Variants in SCAF4 observed in about 807,000 individuals in gnomAD.
SCAF4 encodes SR-related CTD associated factor 4, also known as SR-related and CTD-associated factor 4.
In SCAF4, 25 loss-of-function variants were observed where a neutral mutation model predicts 129.8. That is an observed-to-expected ratio of 0.19 (90% CI 0.14 to 0.27). The LOEUF (loss-of-function observed/expected upper bound fraction) is 0.27, where lower values mean the gene tolerates loss of function less well. SCAF4 is among the 10% of genes least tolerant of loss of function. The pLI, the probability that SCAF4 is intolerant of heterozygous loss-of-function variation, is 1.00. For missense variants in SCAF4, 1,246 were observed against 1,457.1 expected (o/e 0.86, Z 2.36); for synonymous variants, 551 against 497.7 (o/e 1.11, Z -1.43).
chr21:31,712,090 T>A (rs2050811905), intron 1 of SCAF4, among the ~76,000 whole-genome samples: 1 of 152,204 alleles, frequency 6.6e-6, no homozygotes, highest in Admixed American at 6.5e-5. Context: ...GGGAAAGCTT[T>A]AAATAGCCAG....
chr21:31,715,530 C>T (rs945451913), intron 1 of SCAF4, among the ~76,000 whole-genome samples: 1 of 152,160 alleles, frequency 6.6e-6, no homozygotes, highest in South Asian at 2.1e-4. Context: ...CATCTGAAAT[C>T]TTCAGGCTGC....
chr21:31,690,280 T>C (rs980624089), intron 15 of SCAF4, among the ~76,000 whole-genome samples: 3 of 151,792 alleles, frequency 2.0e-5, no homozygotes, highest in South Asian at 2.1e-4. Context: ...AGGTCAGGAG[T>C]TCGAGACCAG....
intron 7 of SCAF4, among the ~76,000 whole-genome samples, chr21:31,698,600 G>A (rs909370418): frequency 6.6e-6 from 1 of 152,076 alleles, no homozygotes; most frequent in East Asian, 1.9e-4. Context: ...TAGATGAGAA[G>A]GTGTTTTTTA....
intron 9 of SCAF4, 67 bp downstream of exon 9, chr21:31,696,046 T>C: frequency 2.7e-6 from 3 of 1,125,784 alleles, no homozygotes; most frequent in South Asian, 2.7e-5. Context: ...GAGTGCTCTG[T>C]GGAATGCAAA....
chr21:31,685,383 A>G lies in SCAF4; in HGVS notation c.2296+15T>C, dbSNP rs1486295324. On this transcript the variant is annotated intron_variant, in intron 18 of 19. Coordinates refer to ENST00000286835, the MANE Select transcript of SCAF4 (RefSeq NM_020706.2). ...CCAAGAGGATAAGCAAACACAAAGA[A>G]AAAAACATGCTTACAGTTTGGGATG... The G allele has an allele frequency of 6.2e-7, 1 of 1,600,090 alleles. No homozygotes were observed. The highest frequency in any genetic ancestry group is 1.7e-5 in the Admixed American group (1 of 58,570).
At position 31,671,921 on chromosome 21, in the gene SCAF4, T is replaced by A. The variant is rs1211031122; in HGVS notation, c.2922A>T (p.Pro974=). ...QQQPPPSQQP[P]PTQQQPQQFR... is the part of the protein sequence containing the mutation. ...ACTGCTGTGGCTGCTGCTGTGTTGG[T>A]GGAGGCTGTTGTGATGGTGGTGGCT... The change falls in exon 20 of 20, where the codon CCA becomes CCT. Residue 974 remains proline (P), a synonymous_variant. Transcript: ENST00000286835. 6.2e-7 allele frequency: 1 copy of A among 1,612,772 alleles called. No homozygotes were observed. The highest frequency in any genetic ancestry group is 1.7e-5 in the Admixed American group (1 of 59,978).
At chr21:31,722,904 G>A (rs572253033) in intron 1 of SCAF4, among the ~76,000 whole-genome samples, 2 of 152,268 alleles carry the variant, frequency 1.3e-5, no homozygotes, top group African/African-American at 2.4e-5. Context: ...AGTGAGCTGC[G>A]ATTGCGCCAC....
rs1187928978 is a variant in SCAF4, at chr21:31,671,109, A to T, written c.*290T>A. ...TTTCACCGTTACCTTGTCTTAAATT[A>T]AAAAAAAAAAAAAAAATAGAGAGCA... is the stretch of plus-strand genomic sequence containing the variant. On this transcript the variant is annotated 3_prime_UTR_variant, in exon 20 of 20. Coordinates refer to ENST00000286835, the MANE Select transcript of SCAF4 (RefSeq NM_020706.2). The T allele has an allele frequency of 3.4e-5, 4 of 118,638 alleles. No individual in the cohort carries two copies. Among genetic ancestry groups the T allele is most frequent in the East Asian group, 2.1e-4 (1 of 4,810 alleles). 7.3% of individuals were successfully genotyped at this position (118,638 alleles called of 1,614,324 possible).
intron 19 of SCAF4, among the ~76,000 whole-genome samples, chr21:31,676,507 T>C (rs748160776): frequency 6.6e-6 from 1 of 152,182 alleles, no homozygotes; most frequent in Non-Finnish European, 1.5e-5. Context: ...AATCTCCACC[T>C]GGACATGGAG....
At chr21:31,712,222 C>CTTTTTTTTTTTTTTTTTT (rs11408552) in intron 1 of SCAF4, among the ~76,000 whole-genome samples, 1 of 135,442 alleles carries the variant, frequency 7.4e-6, no homozygotes, top group African/African-American at 2.8e-5. Flanking sequence ...TTGTTTGTTG[C>CTTTTTTTTTTTTTTTTTT]TTTTTTTTTT....
intron 7 of SCAF4, among the ~76,000 whole-genome samples, chr21:31,697,618 T>C (rs550797555): frequency 6.6e-6 from 1 of 152,350 alleles, no homozygotes; most frequent in East Asian, 1.9e-4. Flanking sequence ...ATAAGCAATC[T>C]TTCCTTTCAA....
chr21:31,710,856 T>C (rs949902631), intron 1 of SCAF4, among the ~76,000 whole-genome samples: 1 of 152,240 alleles, frequency 6.6e-6, no homozygotes, highest in African/African-American at 2.4e-5. Flanking sequence ...TTTTGGCTCA[T>C]TTTTCATTAA....
intron 1 of SCAF4, among the ~76,000 whole-genome samples, chr21:31,725,345 T>C (rs192602767): frequency 1.0e-3 from 156 of 152,174 alleles, no homozygotes; most frequent in African/African-American, 3.7e-3. Flanking sequence ...TAATCAACAA[T>C]AGTCATACAG....
At chr21:31,692,609 T>G (rs1407947139) in intron 12 of SCAF4, among the ~76,000 whole-genome samples, 160 bp from the exon 13 acceptor site, 1 of 152,190 alleles carries the variant, frequency 6.6e-6, no homozygotes, top group Non-Finnish European at 1.5e-5. Context: ...TCTAGAAAAC[T>G]GCATTAGTAC....
At chr21:31,673,949 A>G (rs1461280766) in intron 19 of SCAF4, among the ~76,000 whole-genome samples, 2 of 152,344 alleles carry the variant, frequency 1.3e-5, no homozygotes, top group East Asian at 3.9e-4. Context: ...TATAGGTTCA[A>G]GTGGCCAAGC....
rs944311119 is a variant in SCAF4 at position 31,708,051 on chromosome 21, A to G, written c.31-1694T>C. Among the ~76,000 whole-genome samples the G allele has an allele frequency of 7.2e-5, 11 of 152,218 alleles. No homozygotes were observed. The East Asian group carries it at 1.9e-3, about 27-fold the overall frequency. ...CATTTACCAATGTAATAAAAAAATTATCTTTGAGAATAAAACGCTCACTAA... is the reference window on the plus strand; with the variant it reads ...CATTTACCAATGTAATAAAAAAATTGTCTTTGAGAATAAAACGCTCACTAA... On this transcript the variant is annotated intron_variant, in intron 1 of 19. Coordinates refer to ENST00000286835, the MANE Select transcript of SCAF4 (RefSeq NM_020706.2).
In SCAF4 at chr21:31,694,812, C is replaced by G; in HGVS notation, c.1236+1G>C. 6.2e-7 allele frequency: 1 copy of G among 1,613,796 alleles called. No homozygotes were observed. The highest frequency in any genetic ancestry group is 8.5e-7 in the Non-Finnish European group (1 of 1,179,776). On this transcript the variant is annotated splice_donor_variant, in intron 10 of 19. Coordinates refer to ENST00000286835, the MANE Select transcript of SCAF4 (RefSeq NM_020706.2). LOFTEE classifies it high-confidence loss of function. Reference sequence around the variant, plus strand: ...AAAACTATCTGAGAATAAAGTTTTACCTGCTGATGCGGCTTCTGTGTAAGT... The same window carrying G: ...AAAACTATCTGAGAATAAAGTTTTAGCTGCTGATGCGGCTTCTGTGTAAGT...
intron 1 of SCAF4, 98 bp from the exon 2 acceptor site, chr21:31,706,455 A>C: frequency 2.5e-6 from 2 of 799,044 alleles, no homozygotes; most frequent in Non-Finnish European, 4.1e-6. Flanking sequence ...GGAAAATACA[A>C]ACGGGGCCGG....
chr21:31,711,220 C>A (rs968726251), intron 1 of SCAF4, among the ~76,000 whole-genome samples: 1 of 152,178 alleles, frequency 6.6e-6, no homozygotes, highest in Admixed American at 6.5e-5. Flanking sequence ...CAGGGAAATA[C>A]AGATTTTTCA....
Sources: allele counts gnomAD v4.1 joint callset (sites outside exome capture counted in the v4.1 genomes callset), GRCh38; gene constraint gnomAD v4.1.1; transcripts MANE v1.5; gene names NCBI Gene and HGNC (gene_info 2026-07-23, HGNC 2026-07-21).